The following KIF6 variants were observed in gnomAD, a reference collection of about 807,000 sequenced individuals.
The protein encoded by KIF6 is kinesin-like protein KIF6.
In KIF6, 106 loss-of-function variants were observed where a neutral mutation model predicts 112.7. The observed-to-expected ratio is 0.94, with a 90% CI of 0.80 to 1.11. The LOEUF (loss-of-function observed/expected upper bound fraction) is 1.11. Among genes scored for constraint, KIF6 ranks in the 50% least tolerant of loss-of-function variants. The pLI, the probability that KIF6 is intolerant of heterozygous loss-of-function variation, is 0.00. For missense variants in KIF6, 929 were observed against 964.0 expected, an observed-to-expected ratio of 0.96 and a Z score of 0.48; for synonymous variants, 339 against 339.9, an observed-to-expected ratio of 1.00 and a Z score of 0.03.
At chr6:39,532,562 G>C (rs545096845) in intron 13 of KIF6, among the ~76,000 whole-genome samples, 3 of 152,168 alleles carry the variant, frequency 2.0e-5, no homozygotes, top group African/African-American at 7.2e-5. Context: ...AGCAAGTTTG[G>C]TTTCCTGGGA....
intron 14 of KIF6, among the ~76,000 whole-genome samples, chr6:39,428,404 A>G (rs1260256313): frequency 6.6e-6 from 1 of 152,232 alleles, no homozygotes; most frequent in Non-Finnish European, 1.5e-5. Flanking sequence ...AGCCATATTA[A>G]AAATTCATGT....
At chr6:39,543,234 A>G (rs936972162) in intron 12 of KIF6, among the ~76,000 whole-genome samples, 4 of 152,208 alleles carry the variant, frequency 2.6e-5, no homozygotes, top group African/African-American at 9.6e-5. Flanking sequence ...CCAGGAAAAG[A>G]AACAGAGCTC....
chr6:39,447,899 T>C (rs1427210163), intron 13 of KIF6, among the ~76,000 whole-genome samples: 1 of 152,178 alleles, frequency 6.6e-6, no homozygotes, highest in South Asian at 2.1e-4. Flanking sequence ...CAGTTTTCTG[T>C]TTTTATTTGA....
chr6:39,534,748 G>C, intron 13 of KIF6, among the ~76,000 whole-genome samples: 1 of 151,186 alleles, frequency 6.6e-6, no homozygotes, highest in Non-Finnish European at 1.5e-5. Context: ...GCAACTCCAA[G>C]ACACATAATT....
chr6:39,340,992 G>A (rs1050202597), intron 22 of KIF6, among the ~76,000 whole-genome samples: 47 of 152,100 alleles, frequency 3.1e-4, no homozygotes, highest in African/African-American at 1.1e-3. Context: ...ACTTTCTCAA[G>A]GAAGTTTTTC....
intron 5 of KIF6, among the ~76,000 whole-genome samples, chr6:39,632,075 A>G (rs1227222088): frequency 6.6e-6 from 1 of 152,198 alleles, no homozygotes; most frequent in Non-Finnish European, 1.5e-5. Context: ...GAAAAAAGCA[A>G]ATGACTTTAG....
rs376894439 is a variant in KIF6, at chr6:39,407,314, C to T, written c.1810+12634G>A. Reference sequence around the variant, plus strand: ...CTTTGCTTTAGATTACTGATGCAGGCACTTTATAAACTTTATATCTTTGAT... The same window carrying T: ...CTTTGCTTTAGATTACTGATGCAGGTACTTTATAAACTTTATATCTTTGAT... On this transcript the variant is annotated intron_variant, in intron 15 of 22. Transcript: ENST00000287152. Among the ~76,000 whole-genome samples the T allele has an allele frequency of 2.6e-5, 4 of 152,272 alleles. No homozygotes were observed. In the East Asian group the frequency reaches 7.7e-4, roughly 29 times the overall value.
intron 21 of KIF6, 115 bp downstream of exon 21, chr6:39,345,585 G>T: frequency 1.3e-6 from 1 of 776,934 alleles, no homozygotes; most frequent in Non-Finnish European, 2.1e-6. Flanking sequence ...CCAGACCTGG[G>T]TTCTGTCTGT....
intron 7 of KIF6, among the ~76,000 whole-genome samples, chr6:39,592,456 G>A (rs1782003184): frequency 6.6e-6 from 1 of 152,146 alleles, no homozygotes; most frequent in Admixed American, 6.5e-5. Flanking sequence ...GAAACTAAAT[G>A]GAAACTAAAA....
At chr6:39,625,536 C>T (rs551002721) in intron 5 of KIF6, among the ~76,000 whole-genome samples, 2 of 152,202 alleles carry the variant, frequency 1.3e-5, no homozygotes, top group South Asian at 4.1e-4. Flanking sequence ...CAAGAGGCTG[C>T]CATTCCAGCT....
At chr6:39,606,210 G>T (rs1346307806) in intron 6 of KIF6, among the ~76,000 whole-genome samples, 1 of 150,458 alleles carries the variant, frequency 6.6e-6, no homozygotes, top group African/African-American at 2.4e-5. Context: ...TCTCTTTAAT[G>T]GCTTTTTCTC....
chr6:39,419,830 A>C, intron 15 of KIF6, 118 bp downstream of exon 15: 1 of 862,630 alleles, frequency 1.2e-6, no homozygotes, highest in Non-Finnish European at 2.0e-6. Flanking sequence ...CTTCCTTGGC[A>C]GGGGCTCTCC....
At chr6:39,554,929 A>G (rs1046985922) in intron 10 of KIF6, 2 of 200,774 alleles carry the variant, frequency 1.0e-5, no homozygotes, top group Non-Finnish European at 2.1e-5. Flanking sequence ...TGATGTGTCT[A>G]TTCTCAGCCT....
At chr6:39,394,887 A>C (rs1768144200) in intron 15 of KIF6, among the ~76,000 whole-genome samples, 1 of 152,300 alleles carries the variant, frequency 6.6e-6, no homozygotes, top group South Asian at 2.1e-4. Context: ...CATCACCGGA[A>C]CTTGTCTTGA....
At chr6:39,563,620 G>C (rs1002710135) in intron 10 of KIF6, among the ~76,000 whole-genome samples, 8 of 152,098 alleles carry the variant, frequency 5.3e-5, no homozygotes, top group African/African-American at 1.9e-4. Context: ...AAATATCTTT[G>C]TATCTGTGTC....
At chr6:39,508,669 G>A (rs559756033) in intron 13 of KIF6, among the ~76,000 whole-genome samples, 32 of 152,240 alleles carry the variant, frequency 2.1e-4, no homozygotes, top group South Asian at 1.2e-3. Flanking sequence ...AGGGGCTTCC[G>A]CCATTGATGA....
At chr6:39,631,007 C>A (rs1256317948) in intron 5 of KIF6, among the ~76,000 whole-genome samples, 2 of 151,946 alleles carry the variant, frequency 1.3e-5, no homozygotes, top group African/African-American at 2.4e-5. Context: ...GTCTTGCATA[C>A]CTTAAATAAA....
intron 16 of KIF6, among the ~76,000 whole-genome samples, chr6:39,376,938 G>A (rs757288575): frequency 1.3e-5 from 2 of 152,182 alleles, no homozygotes; most frequent in Non-Finnish European, 2.9e-5. Flanking sequence ...CCAAAGCTGC[G>A]CTGTTTGCAC....
rs2113895409 is a variant in KIF6, at chr6:39,342,764, G to A, written c.2428+945C>T. On this transcript the variant is annotated intron_variant, in intron 22 of 22. Transcript: ENST00000287152. This position sits in a 1 kb window ranked among gnomAD's most constrained non-coding sequence, Gnocchi z 4.7. ...TGAAGAGAGGATAGTAAATAAGCAGGCTGGCGGCCAAGCAAGGCGAGTACA... is the reference window on the plus strand; with the variant it reads ...TGAAGAGAGGATAGTAAATAAGCAGACTGGCGGCCAAGCAAGGCGAGTACA... 1.0e-6 allele frequency: 1 copy of A among 984,338 alleles called. No individual in the cohort carries two copies. Among genetic ancestry groups the A allele is most frequent in the Non-Finnish European group, 1.2e-6 (1 of 829,024 alleles). 61.0% of individuals were successfully genotyped at this position (984,338 alleles called of 1,614,324 possible).
Sources: allele counts gnomAD v4.1 joint callset (sites outside exome capture counted in the v4.1 genomes callset), GRCh38; gene constraint gnomAD v4.1.1; non-coding constraint Gnocchi (gnomAD v3.1); transcripts MANE v1.5; gene names NCBI Gene and HGNC (gene_info 2026-07-23, HGNC 2026-07-21).